Variants in IQCJ observed in about 807,000 individuals in gnomAD.
The protein encoded by IQCJ is IQ motif containing J, also known as IQ domain-containing protein J.
Under a neutral mutation model 11.0 loss-of-function variants are expected in IQCJ, and 9 were observed. The ratio of observed to expected loss-of-function variants is 0.82; its 90% CI spans 0.49 to 1.43. The LOEUF (loss-of-function observed/expected upper bound fraction) is 1.43. Among genes scored for constraint, IQCJ ranks in the 40% most tolerant of loss-of-function variants. The pLI is 0.00. For synonymous variants in IQCJ, 55 were observed against 51.3 expected (o/e 1.07, Z -0.31); for missense variants, 146 against 133.2 (o/e 1.10, Z -0.47).
rs537203542 is a variant in IQCJ at position 159,164,028 on chromosome 3, C to T, written c.10-81815C>T. 2.0e-5 allele frequency among the ~76,000 whole-genome samples: 3 copies of T among 152,174 alleles called. 1 individual carries two copies. Among genetic ancestry groups the T allele is most frequent in the African/African-American group, 7.2e-5 (3 of 41,528 alleles). ...ATCTTTAATCTTTAGGTTAAATATGCAAAGTAGTTTAGAAAAAAAATCAAG... is the reference window on the plus strand; with the variant it reads ...ATCTTTAATCTTTAGGTTAAATATGTAAAGTAGTTTAGAAAAAAAATCAAG... On this transcript the variant is annotated intron_variant, in intron 1 of 3. Transcript: ENST00000397832.
intron 1 of IQCJ, among the ~76,000 whole-genome samples, chr3:159,071,470 GATTT>G: frequency 6.6e-6 from 1 of 152,082 alleles, no homozygotes; most frequent in Admixed American, 6.5e-5. Context: ...GATGGCTAAA[GATTT>G]ACTAGCACCT....
intron 1 of IQCJ, among the ~76,000 whole-genome samples, chr3:159,146,093 G>A (rs6792979): frequency 0.29 from 44,210 of 151,998 alleles, 7,327 homozygotes; most frequent in Non-Finnish European, 0.39. Context: ...ATTGTGATTG[G>A]AAAGGGGCAA....
At chr3:159,078,720 A>T (rs1267310644) in intron 1 of IQCJ, among the ~76,000 whole-genome samples, 1 of 152,114 alleles carries the variant, frequency 6.6e-6, no homozygotes. Context: ...AATTATAAAC[A>T]TCCTAATTTA....
intron 1 of IQCJ, among the ~76,000 whole-genome samples, chr3:159,188,657 T>C (rs576397008): frequency 6.6e-6 from 1 of 152,294 alleles, no homozygotes; most frequent in South Asian, 2.1e-4. Context: ...TTTTGCCTAA[T>C]GTCTTTTTCT....
chr3:159,089,346 C>G (rs1263167092), intron 1 of IQCJ, among the ~76,000 whole-genome samples: 1 of 152,082 alleles, frequency 6.6e-6, no homozygotes, highest in African/African-American at 2.4e-5. Context: ...TCTGGCTGCC[C>G]TTAACATTTT....
At chr3:159,088,051 C>A (rs1716930529) in intron 1 of IQCJ, among the ~76,000 whole-genome samples, 2 of 152,076 alleles carry the variant, frequency 1.3e-5, no homozygotes, top group Admixed American at 6.6e-5. Context: ...CTCTTGTGGG[C>A]ATTTAATGCT....
At chr3:159,256,273 C>T (rs1727890635) in intron 3 of IQCJ, among the ~76,000 whole-genome samples, 2 of 152,080 alleles carry the variant, frequency 1.3e-5, no homozygotes, top group African/African-American at 2.4e-5. Flanking sequence ...AATAAATATG[C>T]TCAATCCCTC....
At chr3:159,186,068 C>T (rs975491958) in intron 1 of IQCJ, among the ~76,000 whole-genome samples, 6 of 151,986 alleles carry the variant, frequency 3.9e-5, no homozygotes, top group African/African-American at 9.7e-5. Context: ...CAGGGCAGGG[C>T]GATAGGGACT....
intron 1 of IQCJ, among the ~76,000 whole-genome samples, chr3:159,077,985 C>T (rs748110737): frequency 6.6e-6 from 1 of 151,824 alleles, no homozygotes; most frequent in Non-Finnish European, 1.5e-5. Flanking sequence ...TATCAACTCA[C>T]GGCCAAAGCT....
At chr3:159,184,607 A>G (rs1235928850) in intron 1 of IQCJ, among the ~76,000 whole-genome samples, 1 of 152,254 alleles carries the variant, frequency 6.6e-6, no homozygotes, top group Non-Finnish European at 1.5e-5. Context: ...ACATCCATGA[A>G]TATGAATAAA....
At chr3:159,225,140 A>C (rs1285928759) in intron 1 of IQCJ, among the ~76,000 whole-genome samples, 1 of 152,196 alleles carries the variant, frequency 6.6e-6, no homozygotes, top group Non-Finnish European at 1.5e-5. Flanking sequence ...ATTGGAAACA[A>C]CCTAAATGTT....
chr3:159,112,084 C>T (rs1425630338), intron 1 of IQCJ, among the ~76,000 whole-genome samples: 1 of 152,142 alleles, frequency 6.6e-6, no homozygotes, highest in Non-Finnish European at 1.5e-5. Context: ...TTGTATGGCA[C>T]ACTGTATGCC....
chr3:159,208,048 G>A (rs372690581), intron 1 of IQCJ, among the ~76,000 whole-genome samples: 14 of 152,224 alleles, frequency 9.2e-5, no homozygotes, highest in African/African-American at 2.6e-4. Flanking sequence ...GCATTTGCCG[G>A]TATGGGAGTG....
intron 1 of IQCJ, among the ~76,000 whole-genome samples, chr3:159,123,687 G>T (rs1351674158): frequency 6.6e-6 from 1 of 152,096 alleles, no homozygotes; most frequent in Non-Finnish European, 1.5e-5. Flanking sequence ...ACTCCACAAG[G>T]TCTTAGAATT....
intron 1 of IQCJ, among the ~76,000 whole-genome samples, chr3:159,170,096 TCTCA>T (rs1722409943): frequency 6.6e-6 from 1 of 152,164 alleles, no homozygotes; most frequent in Non-Finnish European, 1.5e-5. Context: ...GAAGCTGTGA[TCTCA>T]CTCAGAAAAA....
At chr3:159,108,578 C>T (rs1718419167) in intron 1 of IQCJ, among the ~76,000 whole-genome samples, 1 of 152,116 alleles carries the variant, frequency 6.6e-6, no homozygotes, top group South Asian at 2.1e-4. Flanking sequence ...TTACATTGAG[C>T]CTCTCTTAAG....
intron 2 of IQCJ, among the ~76,000 whole-genome samples, chr3:159,251,760 G>C (rs1453264609): frequency 6.6e-6 from 1 of 152,058 alleles, no homozygotes; most frequent in Non-Finnish European, 1.5e-5. Flanking sequence ...AGTGCCTTCT[G>C]GTGGAGAGAG....
intron 1 of IQCJ, among the ~76,000 whole-genome samples, chr3:159,207,663 C>T (rs1175615985): frequency 1.3e-5 from 2 of 152,134 alleles, no homozygotes. Context: ...GATCATTCAT[C>T]AAAAGCTGAT....
chr3:159,208,046 C>T (rs749630506), intron 1 of IQCJ, among the ~76,000 whole-genome samples: 6 of 151,982 alleles, frequency 3.9e-5, no homozygotes, highest in Middle Eastern at 3.4e-3. Flanking sequence ...GTGCATTTGC[C>T]GGTATGGGAG....
Sources: gnomAD v4.1 joint callset for allele counts (sites outside exome capture counted in the v4.1 genomes callset) on GRCh38, gnomAD v4.1.1 for gene constraint, MANE v1.5 for transcripts, NCBI Gene and HGNC (gene_info 2026-07-23, HGNC 2026-07-21) for gene names.